RIMS1: variants seen among roughly 807,000 people sequenced by gnomAD.
RIMS1 encodes the protein regulating synaptic membrane exocytosis 1.
A neutral mutation model predicts 214.1 loss-of-function variants in RIMS1; 83 were observed. The ratio of observed to expected loss-of-function variants is 0.39; its 90% CI spans 0.32 to 0.47. The LOEUF is 0.47. Among genes scored for constraint, RIMS1 ranks in the 20% least tolerant of loss-of-function variants. RIMS1 has a pLI of 0.99. For missense variants in RIMS1, 2,050 were observed against 2,161.8 expected (o/e 0.95, Z 1.03); for synonymous variants, 793 against 786.8 (o/e 1.01, Z -0.13).
chr6:72,028,057 T>C (rs1817044124), intron 2 of RIMS1, among the ~76,000 whole-genome samples: 1 of 152,174 alleles, frequency 6.6e-6, no homozygotes. Context: ...CCAGGTTGTA[T>C]AGGCTATCAA....
At chr6:72,293,487 C>T (rs968241637) in intron 26 of RIMS1, among the ~76,000 whole-genome samples, 1 of 151,828 alleles carries the variant, frequency 6.6e-6, no homozygotes, top group Admixed American at 6.6e-5. Context: ...TTCATGAGCT[C>T]CTGTTGCACA....
chr6:72,182,603 C>G lies in RIMS1; in HGVS notation c.1132C>G (p.His378Asp). The G allele has an allele frequency of 6.5e-7, 1 of 1,548,422 alleles. No homozygotes were observed. The highest frequency in any genetic ancestry group is 8.7e-7 in the Non-Finnish European group (1 of 1,146,854). Residue 378 changes from histidine to aspartate, a missense_variant, in exon 6 of 34, where the codon CAC becomes GAC. His to Asp is a moderately conservative substitution (Grantham distance 81). Coordinates refer to ENST00000521978, the MANE Select transcript of RIMS1 (RefSeq NM_014989.7). ...PPPEEQQMRM[H>D]ARVSRARHER... ...GCCTGAGGAGCAGCAGATGCGCATG[C>G]ACGCCCGGGTGTCCCGCGCCAGGCA... is the stretch of plus-strand genomic sequence containing the variant.
rs148258646 is a variant in RIMS1 at position 72,080,385 on chromosome 6, C to T, written c.246-16564C>T. On this transcript the variant is annotated intron_variant, in intron 2 of 33. Coordinates refer to ENST00000521978, the MANE Select transcript of RIMS1 (RefSeq NM_014989.7). ...GGAAGATGTAACTGAACACTCCCCACCTCCACTATCAGAGCTATGGTCCAG... is the reference window on the plus strand; with the variant it reads ...GGAAGATGTAACTGAACACTCCCCATCTCCACTATCAGAGCTATGGTCCAG... Among the ~76,000 whole-genome samples the T allele has an allele frequency of 8.5e-5, 13 of 152,320 alleles. 1 individual carries two copies. In the South Asian group the frequency reaches 2.5e-3, roughly 29 times the overall value.
intron 2 of RIMS1, among the ~76,000 whole-genome samples, chr6:71,991,038 T>A (rs1231706822): frequency 6.6e-6 from 1 of 152,218 alleles, no homozygotes; most frequent in Non-Finnish European, 1.5e-5. Flanking sequence ...GGTCTCAAAC[T>A]ATATTTGAGG....
At chr6:71,936,064 G>A (rs1784320521) in intron 1 of RIMS1, among the ~76,000 whole-genome samples, 1 of 152,132 alleles carries the variant, frequency 6.6e-6, no homozygotes, top group African/African-American at 2.4e-5. Context: ...GAAAAGGAAG[G>A]TGTGGGCCGG....
chr6:72,037,779 GAACA>G (rs1426414857), intron 2 of RIMS1, among the ~76,000 whole-genome samples: 2 of 151,738 alleles, frequency 1.3e-5, no homozygotes, highest in African/African-American at 2.4e-5. Context: ...CTTTATCAGA[GAACA>G]AACAGTTTTC....
chr6:72,217,172 A>G, intron 6 of RIMS1: 2 of 1,535,808 alleles, frequency 1.3e-6, no homozygotes, highest in Non-Finnish European at 1.7e-6. Context: ...TTAGTTAACC[A>G]CTCCGATGCT....
At position 72,250,312 on chromosome 6, in the gene RIMS1, T is replaced by G; in HGVS notation, c.2242-18T>G. 1 of 1,591,854 alleles carries G rather than the reference T, an allele frequency of 6.3e-7. No individual in the cohort carries two copies. Among genetic ancestry groups the G allele is most frequent in the Non-Finnish European group, 8.5e-7 (1 of 1,172,530 alleles). ...CCTCATGATTTTTACAAATAATTCC[T>G]TTCCTCATTGCTCCTAGGTGAAGTT... On this transcript the variant is annotated intron_variant, in intron 12 of 33. Coordinates refer to ENST00000521978, the MANE Select transcript of RIMS1 (RefSeq NM_014989.7).
chr6:72,062,315 G>C (rs1253230773), intron 2 of RIMS1, among the ~76,000 whole-genome samples: 1 of 151,544 alleles, frequency 6.6e-6, no homozygotes, highest in African/African-American at 2.4e-5. Context: ...ATGTTTATGT[G>C]CACAAACTAC....
In RIMS1 at chr6:72,400,693, G is replaced by A; in HGVS notation, c.5058G>A (p.Gly1686=). The part of the protein sequence containing the change: ...ASQSSLESST[G]PPCIRS ...AGTCATCTCTGGAAAGTTCAACTGG[G>A]CCTCCCTGTATTCGATCATAGTGAA... The change falls in exon 34 of 34, where the codon GGG becomes GGA. Residue 1686 remains glycine, a synonymous_variant. Transcript: ENST00000521978. 3 of 1,613,298 alleles carry A rather than the reference G, an allele frequency of 1.9e-6. No individual in the cohort carries two copies. The highest frequency in any genetic ancestry group is 1.7e-4 in the Middle Eastern group (1 of 5,982).
At chr6:72,178,706 C>T (rs1013988931) in intron 4 of RIMS1, among the ~76,000 whole-genome samples, 1 of 152,154 alleles carries the variant, frequency 6.6e-6, no homozygotes, top group Non-Finnish European at 1.5e-5. Flanking sequence ...CCTATCTTTG[C>T]CCTGTGACAG....
rs1044879996 is a variant in RIMS1, at chr6:72,182,556, C to T, written c.1085C>T (p.Ala362Val). ...AGGTACCGCAGCGACCCGAACCTAGCTCGGTACCCGGTGAAACCGCCGCCT... is the reference window on the plus strand; with the variant it reads ...AGGTACCGCAGCGACCCGAACCTAGTTCGGTACCCGGTGAAACCGCCGCCT... Reference protein sequence around the residue: ...QTRYRSDPNLARYPVKPPPEE... With the variant: ...QTRYRSDPNLVRYPVKPPPEE... Residue 362 changes from alanine to valine, a missense_variant, in exon 6 of 34, where the codon GCT (alanine) becomes GTT (valine). Ala to Val is a moderately conservative substitution (Grantham distance 64). Coordinates refer to ENST00000521978, the MANE Select transcript of RIMS1 (RefSeq NM_014989.7). The T allele has an allele frequency of 1.9e-6, 3 of 1,551,344 alleles. No homozygotes were observed. In the Admixed American group the frequency reaches 5.9e-5, roughly 30 times the overall value.
intron 4 of RIMS1, among the ~76,000 whole-genome samples, chr6:72,106,515 C>T (rs1562323658): frequency 6.6e-6 from 1 of 152,166 alleles, no homozygotes; most frequent in African/African-American, 2.4e-5. Context: ...TCAGTACAAG[C>T]TAAACCAGGA....
chr6:71,943,232 T>A (rs1294500141), intron 1 of RIMS1, among the ~76,000 whole-genome samples: 1 of 152,186 alleles, frequency 6.6e-6, no homozygotes, highest in Non-Finnish European at 1.5e-5. Context: ...ATTTTCTAAT[T>A]TGGTTACCAT....
intron 1 of RIMS1, among the ~76,000 whole-genome samples, chr6:71,914,933 C>T (rs1305249631): frequency 6.6e-6 from 1 of 152,118 alleles, no homozygotes; most frequent in Non-Finnish European, 1.5e-5. Context: ...GTGCTGCCTA[C>T]ATCACTATCA....
Position 72,321,786 on chromosome 6 carries a change from G to A in RIMS1, c.4130+8114G>A, listed in dbSNP as rs142709693. Among the ~76,000 whole-genome samples, 21 of 151,902 alleles carry A rather than the reference G, an allele frequency of 1.4e-4. No individual in the cohort carries two copies. The East Asian group carries it at 3.9e-3, about 28-fold the overall frequency. On this transcript the variant is annotated intron_variant, in intron 28 of 33. Coordinates refer to ENST00000521978, the MANE Select transcript of RIMS1 (RefSeq NM_014989.7). ...CCATTGTATTATCTAAGATTTTTTT[G>A]TTCCCTCTACCTTCACCAAGAATCA...
intron 2 of RIMS1, among the ~76,000 whole-genome samples, chr6:72,087,590 C>T (rs902780409): frequency 1.3e-5 from 2 of 152,178 alleles, no homozygotes; most frequent in South Asian, 2.1e-4. Context: ...TCCTTGGCCC[C>T]CCAGAAAGTG....
At chr6:71,989,292 G>C (rs1800892867) in intron 2 of RIMS1, among the ~76,000 whole-genome samples, 1 of 152,124 alleles carries the variant, frequency 6.6e-6, no homozygotes, top group Admixed American at 6.6e-5. Context: ...TTTGCTAACT[G>C]TTATTTTCAT....
chr6:72,127,591 C>T (rs1325370359), intron 4 of RIMS1, among the ~76,000 whole-genome samples: 1 of 152,124 alleles, frequency 6.6e-6, no homozygotes, highest in Non-Finnish European at 1.5e-5. Flanking sequence ...CCCCTCCAGT[C>T]ATCAATTCTA....
Sources: gnomAD v4.1 joint callset for allele counts (sites outside exome capture counted in the v4.1 genomes callset) on GRCh38, gnomAD v4.1.1 for gene constraint, MANE v1.5 for transcripts, NCBI Gene and HGNC (gene_info 2026-07-23, HGNC 2026-07-21) for gene names.